The following MYLK4 variants were observed in gnomAD, a reference collection of about 807,000 sequenced individuals.
MYLK4 encodes the protein caMLCK like.
A neutral mutation model predicts 48.1 loss-of-function variants in MYLK4; 46 were observed. The observed-to-expected ratio is 0.96, with a 90% CI of 0.75 to 1.22. The LOEUF is 1.22. Among genes scored for constraint, MYLK4 ranks in the 50% most tolerant of loss-of-function variants. The pLI, the probability that MYLK4 is intolerant of heterozygous loss-of-function variation, is 0.00. For synonymous variants in MYLK4, 170 were observed against 180.8 expected, an observed-to-expected ratio of 0.94 and a Z score of 0.48; for missense variants, 451 against 486.1, an observed-to-expected ratio of 0.93 and a Z score of 0.68.
chr6:2,741,354 C>T (rs1763894599), intron 2 of MYLK4, among the ~76,000 whole-genome samples: 13 of 152,128 alleles, frequency 8.5e-5, no homozygotes, highest in Admixed American at 8.5e-4. Flanking sequence ...CGACGTTGTT[C>T]TAACTTTCAG....
At chr6:2,699,678 C>T (rs1762217893) in intron 2 of MYLK4, among the ~76,000 whole-genome samples, 1 of 152,134 alleles carries the variant, frequency 6.6e-6, no homozygotes, top group African/African-American at 2.4e-5. Context: ...TCAGGCTATT[C>T]CTTATTGACA....
At chr6:2,764,895 T>A in the MYLK4 span, among the ~76,000 whole-genome samples, 1 of 152,220 alleles carries the variant, frequency 6.6e-6, no homozygotes, top group Non-Finnish European at 1.5e-5. Context: ...TGTTTGTATT[T>A]TTTCTGCTGT....
In MYLK4 at chr6:2,692,790, G is replaced by T. The variant is rs758483569; in HGVS notation, c.229C>A (p.Leu77Ile). 1.6e-5 allele frequency: 26 copies of T among 1,613,656 alleles called. No homozygotes were observed. Among genetic ancestry groups the T allele is most frequent in the Non-Finnish European group, 2.0e-5 (24 of 1,179,872 alleles). ...ACTTTTCTAAAGATGTTACCTGCGA[G>T]GGCTGATGTCCTTTTGCTTTTGACG... The part of the protein sequence containing the change: ...MPVKSKRTSA[L>I]AVDIPAPPAP... Residue 77 changes from leucine (L) to isoleucine (I), a missense_variant, in exon 3 of 13, where the codon CTC becomes ATC. Coordinates refer to ENST00000274643, the MANE Select transcript of MYLK4 (RefSeq NM_001012418.5).
chr6:2,696,531 G>A (rs758503536), intron 2 of MYLK4, among the ~76,000 whole-genome samples: 12 of 152,166 alleles, frequency 7.9e-5, no homozygotes, highest in East Asian at 1.9e-4. Context: ...CACTAGTAAC[G>A]GGGCCCTCGC....
chr6:2,759,434 A>G, the MYLK4 span, among the ~76,000 whole-genome samples: 1 of 152,140 alleles, frequency 6.6e-6, no homozygotes. Flanking sequence ...ATATTTGGTC[A>G]CTTGGTCTCT....
intron 12 of MYLK4, among the ~76,000 whole-genome samples, chr6:2,670,088 A>G (rs6596892): frequency 0.97 from 148,044 of 152,302 alleles, 72,083 homozygotes; most frequent in East Asian, 1. Flanking sequence ...AGACCAGGCC[A>G]GGCCCGGTGG....
chr6:2,685,543 C>T lies in MYLK4; in HGVS notation c.375G>A (p.Glu125=), dbSNP rs530764811. 6.2e-7 allele frequency: 1 copy of T among 1,614,174 alleles called. No individual in the cohort carries two copies. Among genetic ancestry groups the T allele is most frequent in the Admixed American group, 1.7e-5 (1 of 60,034 alleles). Residue 125 remains glutamate (E), a synonymous_variant, in exon 5 of 13, where the codon GAG becomes GAA. Coordinates refer to ENST00000274643, the MANE Select transcript of MYLK4 (RefSeq NM_001012418.5). The surrounding 1 kb of genome is among the most constrained non-coding windows in gnomAD (Gnocchi z 4.5). ...CTGCCAGCTTCAGACCTGTGGCCGT[C>T]TCCTCACACTTGTGAACCTGGCCGA... ...GRFGQVHKCE[E]TATGLKLAAK...
intron 2 of MYLK4, among the ~76,000 whole-genome samples, chr6:2,732,301 C>A (rs147332046): frequency 2.0e-4 from 30 of 152,264 alleles, no homozygotes; most frequent in African/African-American, 7.0e-4. Flanking sequence ...GCACAGCAGC[C>A]CAGATGAGAA....
intron 2 of MYLK4, among the ~76,000 whole-genome samples, chr6:2,707,557 C>G (rs1167244129): frequency 6.6e-6 from 1 of 152,176 alleles, no homozygotes; most frequent in Non-Finnish European, 1.5e-5. Flanking sequence ...GCATGAACTT[C>G]TCCTAATAGA....
At chr6:2,671,199 A>G (rs1047456778) in intron 12 of MYLK4, 77 bp downstream of exon 12, 8 of 1,035,508 alleles carry the variant, frequency 7.7e-6, no homozygotes, top group Non-Finnish European at 1.0e-5. Flanking sequence ...ATAGTCTGTG[A>G]GCAAATGCTC....
At chr6:2,765,941 A>G in the MYLK4 span, 1 of 1,442,690 alleles carries the variant, frequency 6.9e-7, no homozygotes, top group South Asian at 1.4e-5. Flanking sequence ...CGAGACCGAG[A>G]GCCGCGAGAG....
At chr6:2,676,444 C>T (rs1761086697) in intron 10 of MYLK4, among the ~76,000 whole-genome samples, 1 of 152,094 alleles carries the variant, frequency 6.6e-6, no homozygotes, top group Non-Finnish European at 1.5e-5. Flanking sequence ...CAATGGCTGA[C>T]CAAGGTGAAA....
At chr6:2,758,867 T>C in the MYLK4 span, among the ~76,000 whole-genome samples, 2 of 152,238 alleles carry the variant, frequency 1.3e-5, no homozygotes, top group Admixed American at 1.3e-4. Context: ...ACAAAATGTA[T>C]GTGTTTATTC....
intron 2 of MYLK4, among the ~76,000 whole-genome samples, chr6:2,726,783 T>C (rs958748813): frequency 1.9e-4 from 29 of 151,998 alleles, no homozygotes; most frequent in African/African-American, 6.5e-4. Flanking sequence ...AGGCTAATTT[T>C]TTTATTTTTA....
chr6:2,753,875 G>C (rs1764357798), upstream of MYLK4, among the ~76,000 whole-genome samples: 1 of 151,738 alleles, frequency 6.6e-6, no homozygotes, highest in South Asian at 2.1e-4. Context: ...AAAAATAAAA[G>C]ATAGGTTGGG....
rs188331024 is a variant in MYLK4 at position 2,713,163 on chromosome 6, G to A, written c.160-20304C>T. Among the ~76,000 whole-genome samples, 726 of 152,240 alleles carry A rather than the reference G, an allele frequency of 4.8e-3. 4 individuals carry two copies. The highest frequency in any genetic ancestry group is 0.01 in the Middle Eastern group (3 of 294). On this transcript the variant is annotated intron_variant, in intron 2 of 12. Transcript: ENST00000274643. Reference sequence around the variant, plus strand: ...AGGTGGGTGGATCCCCTGAGGTCGGGAGTTCGAGACCAGCTTGACCAACAC... The same window carrying A: ...AGGTGGGTGGATCCCCTGAGGTCGGAAGTTCGAGACCAGCTTGACCAACAC...
At chr6:2,719,935 C>T (rs1045802268) in intron 2 of MYLK4, among the ~76,000 whole-genome samples, 2 of 150,966 alleles carry the variant, frequency 1.3e-5, no homozygotes, top group Non-Finnish European at 2.9e-5. Flanking sequence ...GTCAGGAGTT[C>T]GAGACCAGCC....
intron 2 of MYLK4, among the ~76,000 whole-genome samples, chr6:2,728,847 C>T (rs1763379117): frequency 6.6e-6 from 1 of 152,224 alleles, no homozygotes; most frequent in African/African-American, 2.4e-5. Context: ...TCCACACCCA[C>T]CCCAAGAAGC....
At chr6:2,731,477 C>T (rs954094592) in intron 2 of MYLK4, among the ~76,000 whole-genome samples, 7 of 152,148 alleles carry the variant, frequency 4.6e-5, no homozygotes, top group Admixed American at 2.6e-4. Context: ...CTTTGCTGAG[C>T]GCCTCCTATG....
Sources: allele counts gnomAD v4.1 joint callset (sites outside exome capture counted in the v4.1 genomes callset), GRCh38; gene constraint gnomAD v4.1.1; non-coding constraint Gnocchi (gnomAD v3.1); transcripts MANE v1.5; gene names NCBI Gene and HGNC (gene_info 2026-07-23, HGNC 2026-07-21).